Variants in AVEN observed in about 807,000 individuals in gnomAD.
AVEN encodes cell death regulator Aven.
In AVEN, 41 loss-of-function variants were observed where a neutral mutation model predicts 38.1. The ratio of observed to expected loss-of-function variants is 1.08; its 90% confidence interval spans 0.84 to 1.40. AVEN has a LOEUF of 1.40. Among genes scored for constraint, AVEN ranks in the 40% most tolerant of loss-of-function variants. The probability of loss-of-function intolerance (pLI) is 0.00; values close to 1 mark genes in which losing one functional copy is unlikely to be tolerated. For missense variants in AVEN, 605 were observed against 438.8 expected, an observed-to-expected ratio of 1.38 and a Z score of -3.38; for synonymous variants, 206 against 171.8, an observed-to-expected ratio of 1.20 and a Z score of -1.56.
At chr15:33,908,634 G>C (rs1892799320) in intron 2 of AVEN, among the ~76,000 whole-genome samples, 2 of 152,086 alleles carry the variant, frequency 1.3e-5, no homozygotes, top group South Asian at 4.2e-4. Context: ...TGGCTTATTT[G>C]TCTCAGCAAG....
At chr15:34,029,389 A>G (rs535695836) in intron 1 of AVEN, among the ~76,000 whole-genome samples, 2 of 152,246 alleles carry the variant, frequency 1.3e-5, no homozygotes, top group South Asian at 4.1e-4. Context: ...GGGGAAAAAA[A>G]AGTTTTAGGA....
At chr15:33,884,430 G>T (rs942389569) in intron 2 of AVEN, among the ~76,000 whole-genome samples, 5 of 152,066 alleles carry the variant, frequency 3.3e-5, no homozygotes. Flanking sequence ...AGAACTCTAA[G>T]TATTCTAATA....
At chr15:33,884,400 T>C (rs967598617) in intron 2 of AVEN, among the ~76,000 whole-genome samples, 1 of 152,196 alleles carries the variant, frequency 6.6e-6, no homozygotes, top group Non-Finnish European at 1.5e-5. Context: ...TATAGTACTT[T>C]TAAAAATAGT....
chr15:33,957,167 G>C (rs1894988827), intron 2 of AVEN, among the ~76,000 whole-genome samples: 1 of 152,170 alleles, frequency 6.6e-6, no homozygotes, highest in Non-Finnish European at 1.5e-5. Flanking sequence ...CTTATTAACT[G>C]TTCTTTGAAT....
At chr15:33,956,927 G>A (rs893580990) in intron 2 of AVEN, among the ~76,000 whole-genome samples, 1 of 152,068 alleles carries the variant, frequency 6.6e-6, no homozygotes, top group Non-Finnish European at 1.5e-5. Flanking sequence ...TTTTTCCCCA[G>A]TGATGTGAAA....
At chr15:34,069,387 G>C (rs1900586660) in intron 2 of AVEN, among the ~76,000 whole-genome samples, 1 of 152,148 alleles carries the variant, frequency 6.6e-6, no homozygotes, top group African/African-American at 2.4e-5. Context: ...GGGAGGCGGA[G>C]GTTGAAGTGA....
chr15:34,059,144 G>T (rs185611000), intron 5 of AVEN, among the ~76,000 whole-genome samples: 1 of 152,112 alleles, frequency 6.6e-6, no homozygotes, highest in East Asian at 1.9e-4. Flanking sequence ...CTATCCACCC[G>T]CCTCGGCCTC....
chr15:34,074,682 C>G (rs1900697020), exon 1 of AVEN, among the ~76,000 whole-genome samples: 1 of 152,136 alleles, frequency 6.6e-6, no homozygotes. Context: ...TTAGGGTCCA[C>G]CGTAATGACT....
In AVEN at chr15:33,962,160, C is replaced by T. The variant is rs187457298; in HGVS notation, c.445+40872G>A. The stretch of plus-strand genomic sequence containing the variant: ...GAAAAAACAAAGTAAGGTTAAAAAC[C>T]GTAATGAAAAACAAAGGAATGGGGG... On this transcript the variant is annotated intron_variant, in intron 2 of 5. Transcript: ENST00000306730. Among the ~76,000 whole-genome samples the T allele has an allele frequency of 3.3e-5, 5 of 151,856 alleles. No homozygotes were observed. The East Asian group carries it at 5.8e-4, about 18-fold the overall frequency.
intron 1 of AVEN, among the ~76,000 whole-genome samples, chr15:34,073,409 C>T (rs1252974777): frequency 6.6e-6 from 1 of 151,836 alleles, no homozygotes; most frequent in Non-Finnish European, 1.5e-5. Flanking sequence ...TAGCAATCCT[C>T]ATGCTCATAT....
intron 2 of AVEN, among the ~76,000 whole-genome samples, chr15:33,943,823 TAAAAAA>T (rs71119905): frequency 7.9e-5 from 7 of 88,878 alleles, no homozygotes; most frequent in South Asian, 4.5e-4. Flanking sequence ...ACTCCGTCTT[TAAAAAA>T]AAAAAAAAAA....
intron 2 of AVEN, among the ~76,000 whole-genome samples, chr15:33,966,794 G>C (rs941873573): frequency 2.0e-5 from 3 of 152,108 alleles, no homozygotes; most frequent in African/African-American, 7.2e-5. Context: ...CAAATGTTAT[G>C]CTTTACCAGA....
At chr15:33,903,713 G>A (rs935569733) in intron 2 of AVEN, among the ~76,000 whole-genome samples, 1 of 151,926 alleles carries the variant, frequency 6.6e-6, no homozygotes, top group African/African-American at 2.4e-5. Context: ...AGAAAACATG[G>A]TATATATAAA....
At chr15:33,938,647 C>T (rs1415509154) in intron 2 of AVEN, among the ~76,000 whole-genome samples, 1 of 152,102 alleles carries the variant, frequency 6.6e-6, no homozygotes, top group African/African-American at 2.4e-5. Flanking sequence ...GACATTCATA[C>T]CTAACCTCTT....
chr15:33,981,381 C>T (rs1435584531), intron 2 of AVEN, among the ~76,000 whole-genome samples: 1 of 152,092 alleles, frequency 6.6e-6, no homozygotes, highest in Non-Finnish European at 1.5e-5. Flanking sequence ...AAACAAGTAG[C>T]AAGCATAAGA....
chr15:33,878,952 GATC>G (rs1891367361), intron 2 of AVEN, among the ~76,000 whole-genome samples: 2 of 152,086 alleles, frequency 1.3e-5, no homozygotes, highest in African/African-American at 2.4e-5. Flanking sequence ...TATTAGAAAT[GATC>G]ATATGATTTC....
chr15:34,011,692 A>T (rs1897645178), intron 1 of AVEN, among the ~76,000 whole-genome samples: 1 of 152,130 alleles, frequency 6.6e-6, no homozygotes, highest in African/African-American at 2.4e-5. Context: ...TCAACCACTC[A>T]TCTCACAGGC....
the AVEN span, chr15:33,853,091 T>A: frequency 6.3e-7 from 1 of 1,590,720 alleles, no homozygotes; most frequent in East Asian, 2.3e-5. Flanking sequence ...GAGAAAGGTA[T>A]GCCTTGTTAG....
chr15:33,883,319 C>CTAATA (rs1248796447), intron 2 of AVEN, among the ~76,000 whole-genome samples: 3 of 151,486 alleles, frequency 2.0e-5, no homozygotes, highest in African/African-American at 7.3e-5. Context: ...CTAAATCTGG[C>CTAATA]TACTAAAATT....
Sources: allele counts gnomAD v4.1 joint callset (sites outside exome capture counted in the v4.1 genomes callset), GRCh38; gene constraint gnomAD v4.1.1; transcripts MANE v1.5; gene names NCBI Gene and HGNC (gene_info 2026-07-23, HGNC 2026-07-21).